Variants in AP3B2 observed in about 807,000 individuals in gnomAD.
The protein encoded by AP3B2 is AP-3 complex subunit beta-2.
AP3B2 carries 50 observed loss-of-function variants against 126.9 expected under a neutral mutation model. The ratio of observed to expected loss-of-function variants is 0.39; its 90% CI spans 0.31 to 0.50. The LOEUF is 0.50. Ranked by LOEUF, AP3B2 falls within the 20% of genes least tolerant of loss-of-function variation. AP3B2 has a pLI of 0.79. For missense variants in AP3B2, 1,177 were observed against 1,426.4 expected, an observed-to-expected ratio of 0.83 and a Z score of 2.82; for synonymous variants, 541 against 565.0, an observed-to-expected ratio of 0.96 and a Z score of 0.60.
chr15:82,696,394 A>G (rs1029433495), intron 1 of AP3B2, among the ~76,000 whole-genome samples: 6 of 152,194 alleles, frequency 3.9e-5, no homozygotes, highest in Admixed American at 1.3e-4. Context: ...CCTGGCCAAC[A>G]TGGTGAAACC....
At position 82,689,397 on chromosome 15, in the gene AP3B2, G is replaced by C. The variant is rs374177816; in HGVS notation, c.170C>G (p.Ala57Gly). ...TCTTACCGCCACAATCCTCTTCATG[G>C]CCTCCAGCTTGAGAGAATCCTTGTT... ...DTNKDSLKLE[A>G]MKRIVAMIAR... The change falls in exon 2 of 27, where the codon GCC becomes GGC. Residue 57 changes from alanine (A) to glycine (G), a missense_variant. Physicochemically the swap from Ala to Gly is moderately conservative, Grantham distance 60 (BLOSUM62 0). Transcript: ENST00000535359. 1 of 1,613,786 alleles carries C rather than the reference G, an allele frequency of 6.2e-7. No individual in the cohort carries two copies. The highest frequency in any genetic ancestry group is 8.5e-7 in the Non-Finnish European group (1 of 1,179,894).
At chr15:82,679,650 G>C in intron 10 of AP3B2, 79 bp downstream of exon 10, 18 of 1,345,668 alleles carry the variant, frequency 1.3e-5, no homozygotes, top group Non-Finnish European at 1.8e-5. Flanking sequence ...AGGCACCAGG[G>C]GGGCCACTGT....
chr15:82,700,103 T>C (rs1202729141), intron 1 of AP3B2, among the ~76,000 whole-genome samples: 1 of 152,134 alleles, frequency 6.6e-6, no homozygotes, highest in African/African-American at 2.4e-5. Context: ...TCAGTGGAGT[T>C]GATAGAGAGG....
Position 82,680,859 on chromosome 15 carries a change from T to TGCG in AP3B2, c.746_748dup (p.Thr249_Gln250insPro). ...TACGTTCTGGGTGGGGCTCAGGAAC[T>TGCG]GCGTGCGGGCGTAGCGGGTGAGCAT... is the stretch of plus-strand genomic sequence containing the variant. On this transcript the variant is annotated inframe_insertion, in exon 7 of 27. Coordinates refer to ENST00000535359, the MANE Select transcript of AP3B2 (RefSeq NM_001278512.2). This position sits in a 1 kb window ranked among gnomAD's most constrained non-coding sequence, Gnocchi z 6.1. The TGCG allele has an allele frequency of 1.2e-6, 2 of 1,613,826 alleles. No homozygotes were observed. Among genetic ancestry groups the TGCG allele is most frequent in the Non-Finnish European group, 1.7e-6 (2 of 1,179,808 alleles).
intron 1 of AP3B2, chr15:82,697,709 C>T (rs949516603): frequency 2.0e-5 from 3 of 152,226 alleles, no homozygotes; most frequent in Non-Finnish European, 2.9e-5. Context: ...CTGAGGCCCT[C>T]GCTATCTGTC....
At chr15:82,688,348 T>C (rs2048466978) in intron 4 of AP3B2, 2 of 689,850 alleles carry the variant, frequency 2.9e-6, no homozygotes, top group Non-Finnish European at 5.3e-6. Flanking sequence ...TTCAGGCCAC[T>C]GCTAAAGGTT....
At chr15:82,685,624 T>G (rs1318295881) in intron 4 of AP3B2, 1 of 152,224 alleles carries the variant, frequency 6.6e-6, no homozygotes, top group Non-Finnish European at 1.5e-5. Flanking sequence ...GTTTTCCTTT[T>G]TTGTGTGTGA....
Position 82,676,652 on chromosome 15 carries a change from G to A in AP3B2, c.1489-15C>T, listed in dbSNP as rs1487922488. 17 of 1,612,810 alleles carry A rather than the reference G, an allele frequency of 1.1e-5. No individual in the cohort carries two copies. Among genetic ancestry groups the A allele is most frequent in the African/African-American group, 5.3e-5 (4 of 74,922 alleles). On this transcript the variant is annotated splice_polypyrimidine_tract_variant and intron_variant, in intron 13 of 26. Transcript: ENST00000535359. ...GCCATGGGCACCTGTGGTTGTGGGA[G>A]AGGAGTGAAGATGGGTAAATACGGG...
intron 2 of AP3B2, 46 bp downstream of exon 2, chr15:82,689,332 C>G (rs781307350): frequency 1.9e-6 from 3 of 1,612,138 alleles, no homozygotes; most frequent in Non-Finnish European, 2.5e-6. Context: ...CTGCTCTTGG[C>G]CACCCAGGCC....
chr15:82,686,192 T>C (rs1387410381), intron 4 of AP3B2: 3 of 152,180 alleles, frequency 2.0e-5, no homozygotes, highest in Middle Eastern at 3.2e-3. Context: ...TAGGGTTTCA[T>C]AGGGGGTTCA....
rs1462455539 is a variant in AP3B2, at chr15:82,680,481, C to T, written c.1046G>A (p.Arg349His). 3 of 1,503,962 alleles carry T rather than the reference C, an allele frequency of 2.0e-6. No homozygotes were observed. Among genetic ancestry groups the T allele is most frequent in the Non-Finnish European group, 1.8e-6 (2 of 1,129,564 alleles). 93.2% of individuals were successfully genotyped at this position (1,503,962 alleles called of 1,614,324 possible). ...TGGGGGCGGAGCGCACCTGTGGCTG[C>T]GCAGCAGGCGCACCAGCGCCTTGGC... ...VIAKALVRLL[R>H]SHSEVQYVVL... Residue 349 changes from arginine to histidine, a missense_variant, in exon 8 of 27, where the codon CGC becomes CAC. By Grantham distance (29) the Arg-to-His change is conservative. Transcript: ENST00000535359. The surrounding 1 kb of genome is among the most constrained non-coding windows in gnomAD (Gnocchi z 6.1).
At chr15:82,660,069 C>T (rs924364981) in intron 25 of AP3B2, 86 bp from the exon 26 acceptor site, 7 of 1,501,572 alleles carry the variant, frequency 4.7e-6, no homozygotes, top group Non-Finnish European at 6.4e-6. Flanking sequence ...AACAAGTTCT[C>T]CCAGGCTGGG....
chr15:82,684,124 G>T (rs899360159), intron 4 of AP3B2, among the ~76,000 whole-genome samples: 2 of 152,178 alleles, frequency 1.3e-5, no homozygotes, highest in African/African-American at 4.8e-5. Flanking sequence ...AGCTGCATTG[G>T]CCCCTAACAA....
intron 4 of AP3B2, among the ~76,000 whole-genome samples, chr15:82,684,883 A>G (rs2048400309): frequency 6.6e-6 from 1 of 152,230 alleles, no homozygotes; most frequent in Non-Finnish European, 1.5e-5. Flanking sequence ...CTTTCAGCCT[A>G]TCACAGCTTT....
chr15:82,666,194 C>T (rs1317794282), intron 15 of AP3B2, among the ~76,000 whole-genome samples: 1 of 152,198 alleles, frequency 6.6e-6, no homozygotes, highest in Non-Finnish European at 1.5e-5. Flanking sequence ...GGAGAAGCAG[C>T]GGGAGGACCC....
At chr15:82,669,556 G>T (rs2048113808) in intron 14 of AP3B2, among the ~76,000 whole-genome samples, 1 of 152,060 alleles carries the variant, frequency 6.6e-6, no homozygotes, top group African/African-American at 2.4e-5. Flanking sequence ...GCTGGATGTG[G>T]TGATGCACAC....
chr15:82,665,832 A>C lies in AP3B2; in HGVS notation c.1853-257T>G, dbSNP rs1371546158. ...GCAGCCTACAGAGGTGGGCAGGAGG[A>C]GACTCTGGGCCCACAGATGCTGCCG... On this transcript the variant is annotated intron_variant, in intron 15 of 26. Coordinates refer to ENST00000535359, the MANE Select transcript of AP3B2 (RefSeq NM_001278512.2). The surrounding 1 kb of genome is among the most constrained non-coding windows in gnomAD (Gnocchi z 4.4). 1.3e-5 allele frequency among the ~76,000 whole-genome samples: 2 copies of C among 152,162 alleles called. No individual in the cohort carries two copies. Among genetic ancestry groups the C allele is most frequent in the African/African-American group, 4.8e-5 (2 of 41,448 alleles).
chr15:82,703,645 A>G (rs2048754129), intron 1 of AP3B2, among the ~76,000 whole-genome samples: 1 of 152,082 alleles, frequency 6.6e-6, no homozygotes, highest in African/African-American at 2.4e-5. Flanking sequence ...TCCATCCTAC[A>G]AGATCTAGAT....
chr15:82,681,731 T>A lies in AP3B2; in HGVS notation c.361-151A>T. ...GCCTGGATGGTGTGCCAGTGATGGG[T>A]ATCTGGGGGACACTTAATTTTGGCT... On this transcript the variant is annotated intron_variant, in intron 4 of 26. Transcript: ENST00000535359. This position sits in a 1 kb window ranked among gnomAD's most constrained non-coding sequence, Gnocchi z 4.0. 1 of 821,364 alleles carries A rather than the reference T, an allele frequency of 1.2e-6. No homozygotes were observed. Among genetic ancestry groups the A allele is most frequent in the Non-Finnish European group, 1.9e-6 (1 of 538,526 alleles). 50.9% of individuals were successfully genotyped at this position (821,364 alleles called of 1,614,324 possible). A position where few individuals can be genotyped will look rare whatever the true frequency, so the allele number is the denominator to read the frequency against.
Sources: gnomAD v4.1 joint callset for allele counts (sites outside exome capture counted in the v4.1 genomes callset) on GRCh38, gnomAD v4.1.1 for gene constraint, Gnocchi (gnomAD v3.1) non-coding constraint, MANE v1.5 for transcripts, NCBI Gene and HGNC (gene_info 2026-07-23, HGNC 2026-07-21) for gene names.